The following IGSF21 variants were observed in gnomAD, a reference collection of about 807,000 sequenced individuals.
IGSF21 encodes the protein immunoglobulin superfamily member 21.
IGSF21 carries 28 observed loss-of-function variants against 46.8 expected under a neutral mutation model. The ratio of observed to expected loss-of-function variants is 0.60; its 90% CI spans 0.44 to 0.82. The LOEUF (loss-of-function observed/expected upper bound fraction) is 0.82. Among genes scored for constraint, IGSF21 ranks in the 40% least tolerant of loss-of-function variants. The pLI, the probability that IGSF21 is intolerant of heterozygous loss-of-function variation, is 0.00. For synonymous variants in IGSF21, 284 were observed against 273.6 expected (o/e 1.04, Z -0.38); for missense variants, 624 against 665.5 (o/e 0.94, Z 0.69).
intron 2 of IGSF21, among the ~76,000 whole-genome samples, chr1:18,288,299 C>A (rs1402103837): frequency 6.6e-6 from 1 of 152,214 alleles, no homozygotes; most frequent in Non-Finnish European, 1.5e-5. Context: ...TCCATGATCA[C>A]CCTTCCCTCC....
In IGSF21 at chr1:18,299,886, G is replaced by T. The variant is rs851442; in HGVS notation, c.305+7899G>T. Among the ~76,000 whole-genome samples the T allele has an allele frequency of 4.5e-3, 687 of 152,188 alleles. 4 individuals are homozygous for T. The highest frequency in any genetic ancestry group is 0.016 in the African/African-American group (649 of 41,512). ...GTGATTTTAGAAGACAGGGTTGCAG[G>T]TCTCCTCCCAGCCACTAGGGGGATG... On this transcript the variant is annotated intron_variant, in intron 3 of 9. Coordinates refer to ENST00000251296, the MANE Select transcript of IGSF21 (RefSeq NM_032880.5).
At chr1:18,223,572 C>T (rs910422769) in intron 1 of IGSF21, among the ~76,000 whole-genome samples, 4 of 152,140 alleles carry the variant, frequency 2.6e-5, no homozygotes, top group African/African-American at 4.8e-5. Flanking sequence ...CAGGAGGGTA[C>T]GAGGACCCAA....
At chr1:18,373,196 T>C (rs1279699096) in intron 6 of IGSF21, among the ~76,000 whole-genome samples, 1 of 152,172 alleles carries the variant, frequency 6.6e-6, no homozygotes, top group Non-Finnish European at 1.5e-5. Context: ...CAAGTTGAAA[T>C]GACTCATCCA....
chr1:18,135,506 G>C (rs2086360566), intron 1 of IGSF21, among the ~76,000 whole-genome samples: 1 of 149,106 alleles, frequency 6.7e-6, no homozygotes, highest in African/African-American at 2.5e-5. Context: ...GTGAGAACAT[G>C]CGGTGTTTGG....
chr1:18,238,956 C>G (rs1003833584), intron 2 of IGSF21, among the ~76,000 whole-genome samples: 1 of 152,180 alleles, frequency 6.6e-6, no homozygotes, highest in African/African-American at 2.4e-5. Flanking sequence ...CTCCCCACCC[C>G]GCTATCTTTT....
chr1:18,299,813 T>C (rs1380038629), intron 3 of IGSF21, among the ~76,000 whole-genome samples: 1 of 152,216 alleles, frequency 6.6e-6, no homozygotes, highest in Non-Finnish European at 1.5e-5. Context: ...TGAAAGCCCC[T>C]GGCTTTCCAC....
chr1:18,125,010 C>T (rs1241409173), intron 1 of IGSF21, among the ~76,000 whole-genome samples: 1 of 152,088 alleles, frequency 6.6e-6, no homozygotes, highest in African/African-American at 2.4e-5. Context: ...CCTCTCCTTC[C>T]CCAGAAAGTG....
intron 1 of IGSF21, among the ~76,000 whole-genome samples, chr1:18,169,950 G>T (rs759105756): frequency 1.3e-5 from 2 of 152,158 alleles, no homozygotes; most frequent in Non-Finnish European, 2.9e-5. Flanking sequence ...ACCGGGAGAA[G>T]TTCAACAGAG....
chr1:18,239,861 T>G (rs1326244688), intron 2 of IGSF21, among the ~76,000 whole-genome samples: 1 of 152,032 alleles, frequency 6.6e-6, no homozygotes, highest in African/African-American at 2.4e-5. Context: ...CATAACACTC[T>G]CAAAATACTA....
At chr1:18,273,631 T>C (rs12402736) in intron 2 of IGSF21, among the ~76,000 whole-genome samples, 33,609 of 151,248 alleles carry the variant, frequency 0.22, 3,962 homozygotes, top group African/African-American at 0.29. Flanking sequence ...TGGGTTTTTT[T>C]GTTGTTGCTG....
At chr1:18,114,796 G>C (rs1457339281) in intron 1 of IGSF21, 3 of 152,224 alleles carry the variant, frequency 2.0e-5, no homozygotes, top group African/African-American at 7.2e-5. Flanking sequence ...CTGGAACCCA[G>C]ATTCTGTGGT....
intron 2 of IGSF21, among the ~76,000 whole-genome samples, chr1:18,281,057 C>T (rs1439656800): frequency 3.7e-5 from 4 of 108,444 alleles, no homozygotes; most frequent in Non-Finnish European, 8.0e-5. Flanking sequence ...TCTGTGAACT[C>T]CCTGATGACC....
At chr1:18,330,818 G>A (rs953469182) in intron 3 of IGSF21, among the ~76,000 whole-genome samples, 19 of 152,190 alleles carry the variant, frequency 1.2e-4, no homozygotes, top group Non-Finnish European at 2.1e-4. Flanking sequence ...GCAAAACTGA[G>A]CAGAAAGTAC....
intron 1 of IGSF21, among the ~76,000 whole-genome samples, chr1:18,218,508 A>T (rs566113197): frequency 6.6e-6 from 1 of 152,358 alleles, no homozygotes; most frequent in South Asian, 2.1e-4. Context: ...CACTAATTCA[A>T]ATATAAAACC....
chr1:18,354,669 T>C (rs1042917974), intron 4 of IGSF21, among the ~76,000 whole-genome samples: 8 of 151,534 alleles, frequency 5.3e-5, no homozygotes, highest in Non-Finnish European at 1.2e-4. Flanking sequence ...CCATGATGAA[T>C]GACACTGGGA....
intron 4 of IGSF21, among the ~76,000 whole-genome samples, chr1:18,343,208 C>A (rs1387840136): frequency 6.6e-6 from 1 of 152,190 alleles, no homozygotes. Flanking sequence ...TGACACTGTA[C>A]GTCCTTTCCT....
rs574599236 is a variant in IGSF21, at chr1:18,140,753, G to A, written c.70+32555G>A. Among the ~76,000 whole-genome samples, 36 of 152,304 alleles carry A rather than the reference G, an allele frequency of 2.4e-4. 2 individuals are homozygous for A. In the South Asian group the frequency reaches 7.5e-3, roughly 32 times the overall value. On this transcript the variant is annotated intron_variant, in intron 1 of 9. Coordinates refer to ENST00000251296, the MANE Select transcript of IGSF21 (RefSeq NM_032880.5). ...CTACGCCCTGTGCTTGGCTTGGCAGGGGGGATCCCTCTTCAGCATCCACAT... is the reference window on the plus strand; with the variant it reads ...CTACGCCCTGTGCTTGGCTTGGCAGAGGGGATCCCTCTTCAGCATCCACAT...
intron 1 of IGSF21, among the ~76,000 whole-genome samples, chr1:18,120,051 C>T (rs4920297): frequency 0.18 from 27,931 of 152,182 alleles, 2,854 homozygotes; most frequent in Non-Finnish European, 0.23. Flanking sequence ...TTCTGTGATC[C>T]GGGGAACAAG....
intron 3 of IGSF21, among the ~76,000 whole-genome samples, chr1:18,303,993 C>T (rs545676682): frequency 6.6e-6 from 1 of 152,232 alleles, no homozygotes; most frequent in South Asian, 2.1e-4. Flanking sequence ...TTTACACTGC[C>T]AAATGATGAA....
Sources: allele counts gnomAD v4.1 joint callset (sites outside exome capture counted in the v4.1 genomes callset), GRCh38; gene constraint gnomAD v4.1.1; transcripts MANE v1.5; gene names NCBI Gene and HGNC (gene_info 2026-07-23, HGNC 2026-07-21).